The following CACNB4 variants were observed in gnomAD, a reference collection of about 807,000 sequenced individuals.
CACNB4 encodes calcium voltage-gated channel auxiliary subunit beta 4.
A neutral mutation model predicts 71.2 loss-of-function variants in CACNB4; 32 were observed. The observed-to-expected ratio is 0.45, with a 90% CI of 0.34 to 0.60. The LOEUF is 0.60. CACNB4 is among the 20% of genes least tolerant of loss of function. The pLI is 0.01. For missense variants in CACNB4, 464 were observed against 647.9 expected (o/e 0.72, Z 3.08); for synonymous variants, 231 against 236.9 (o/e 0.97, Z 0.23).
At chr2:151,885,193 A>G (rs1017666609) in intron 2 of CACNB4, among the ~76,000 whole-genome samples, 1 of 152,246 alleles carries the variant, frequency 6.6e-6, no homozygotes, top group Admixed American at 6.5e-5. Context: ...AACATACTGC[A>G]GAAAACTTTA....
At chr2:151,994,044 T>C (rs1227534797) in intron 2 of CACNB4, among the ~76,000 whole-genome samples, 1 of 151,842 alleles carries the variant, frequency 6.6e-6, no homozygotes, top group Non-Finnish European at 1.5e-5. Context: ...TGGTGGTGTG[T>C]GCCTGTAGTC....
chr2:151,863,733 T>G (rs966026854), intron 9 of CACNB4, among the ~76,000 whole-genome samples: 1 of 152,142 alleles, frequency 6.6e-6, no homozygotes, highest in African/African-American at 2.4e-5. Flanking sequence ...TTTGAAAAAA[T>G]TCAGAAAAAA....
intron 2 of CACNB4, among the ~76,000 whole-genome samples, chr2:151,963,870 C>A (rs1414395257): frequency 6.6e-6 from 1 of 151,976 alleles, no homozygotes; most frequent in African/African-American, 2.4e-5. Flanking sequence ...GAGTTCGAGA[C>A]CAGCCTGGCC....
intron 2 of CACNB4, among the ~76,000 whole-genome samples, chr2:152,036,536 G>A (rs1012501409): frequency 6.6e-6 from 1 of 152,150 alleles, no homozygotes; most frequent in African/African-American, 2.4e-5. Flanking sequence ...CTGACCTTAG[G>A]TGATCTGCTC....
chr2:151,998,862 T>A (rs917156407), intron 2 of CACNB4, among the ~76,000 whole-genome samples: 1 of 152,196 alleles, frequency 6.6e-6, no homozygotes, highest in Non-Finnish European at 1.5e-5. Context: ...CCAATGGATG[T>A]CTGAGCAGTG....
intron 9 of CACNB4, chr2:151,866,426 T>C (rs2099843122): frequency 6.6e-6 from 1 of 152,242 alleles, no homozygotes; most frequent in Non-Finnish European, 1.5e-5. Context: ...TAGAACATAT[T>C]GTTTATGCCG....
intron 2 of CACNB4, among the ~76,000 whole-genome samples, chr2:152,070,699 C>G (rs916254909): frequency 2.0e-5 from 3 of 152,156 alleles, no homozygotes; most frequent in African/African-American, 7.2e-5. Flanking sequence ...AAACAGGTAT[C>G]CAATAGTTAA....
intron 5 of CACNB4, among the ~76,000 whole-genome samples, chr2:151,875,587 T>C (rs1243676665): frequency 1.4e-5 from 2 of 145,716 alleles, no homozygotes; most frequent in Non-Finnish European, 3.0e-5. Context: ...GAGGCGCCCC[T>C]CACCTCCCGG....
At chr2:152,081,926 T>C (rs976469214) in intron 2 of CACNB4, among the ~76,000 whole-genome samples, 1 of 152,212 alleles carries the variant, frequency 6.6e-6, no homozygotes, top group Non-Finnish European at 1.5e-5. Context: ...ATGCAGTGTT[T>C]TCAAATGATG....
chr2:151,926,003 A>G (rs1395401427), intron 2 of CACNB4, among the ~76,000 whole-genome samples: 1 of 152,208 alleles, frequency 6.6e-6, no homozygotes, highest in African/African-American at 2.4e-5. Context: ...AAACAACCAA[A>G]TGGAGGTATT....
At chr2:151,957,305 T>C (rs2099868561) in intron 2 of CACNB4, among the ~76,000 whole-genome samples, 1 of 151,070 alleles carries the variant, frequency 6.6e-6, no homozygotes, top group Non-Finnish European at 1.5e-5. Context: ...TGTGTGTCCC[T>C]TGGGAATCCC....
chr2:151,984,875 A>G (rs548527699), intron 2 of CACNB4, among the ~76,000 whole-genome samples: 1 of 152,224 alleles, frequency 6.6e-6, no homozygotes, highest in Non-Finnish European at 1.5e-5. Flanking sequence ...ACTTTCCTCA[A>G]AACACATGCT....
chr2:151,957,170 T>C (rs140042673), intron 2 of CACNB4, among the ~76,000 whole-genome samples: 1 of 151,644 alleles, frequency 6.6e-6, no homozygotes. Context: ...AGAAAGAATA[T>C]AGGCCTTTTA....
intron 2 of CACNB4, among the ~76,000 whole-genome samples, chr2:152,072,588 GCT>G (rs1334111267): frequency 6.6e-6 from 1 of 151,580 alleles, no homozygotes; most frequent in Non-Finnish European, 1.5e-5. Context: ...CTCAAACAAG[GCT>G]TATGAAAACC....
chr2:151,854,544 T>C (rs1211894054), intron 11 of CACNB4: 1 of 152,226 alleles, frequency 6.6e-6, no homozygotes, highest in African/African-American at 2.4e-5. Context: ...ATTAAGATAG[T>C]ACTTCCCAAG....
intron 2 of CACNB4, among the ~76,000 whole-genome samples, chr2:151,904,955 A>G (rs144954582): frequency 8.6e-4 from 131 of 152,316 alleles, no homozygotes; most frequent in Non-Finnish European, 1.3e-3. Context: ...TTGGGCAGTG[A>G]AACATTCTGA....
In CACNB4 at chr2:151,884,349, C is replaced by T. The variant is rs1255665016; in HGVS notation, c.148-979G>A. ...AATAAAAAAATTAAAAAAGGCCAGG[C>T]GCAGTGGCTCACGCCTGTAATCTCA... is the stretch of plus-strand genomic sequence containing the variant. On this transcript the variant is annotated intron_variant, in intron 2 of 13. Coordinates refer to ENST00000539935, the MANE Select transcript of CACNB4 (RefSeq NM_000726.5). Among the ~76,000 whole-genome samples the T allele has an allele frequency of 4.7e-5, 7 of 149,266 alleles. No individual in the cohort carries two copies. The South Asian group carries it at 6.4e-4, about 14-fold the overall frequency.
At chr2:151,878,584 T>TCACACACACACACACAC (rs1381700918) in intron 4 of CACNB4, among the ~76,000 whole-genome samples, 551 of 28,626 alleles carry the variant, frequency 0.019, 7 homozygotes, top group Non-Finnish European at 0.032. Context: ...CACACACAGT[T>TCACACACACACACACAC]AGCTGGGTAT....
chr2:152,066,223 A>C (rs1686311424), intron 2 of CACNB4, among the ~76,000 whole-genome samples: 1 of 152,034 alleles, frequency 6.6e-6, no homozygotes, highest in Non-Finnish European at 1.5e-5. Context: ...CATACCTTTC[A>C]CCTCCTGCTC....
Sources: gnomAD v4.1 joint callset for allele counts (sites outside exome capture counted in the v4.1 genomes callset) on GRCh38, gnomAD v4.1.1 for gene constraint, MANE v1.5 for transcripts, NCBI Gene and HGNC (gene_info 2026-07-23, HGNC 2026-07-21) for gene names.